MAP7D2: variants seen among roughly 807,000 people sequenced by gnomAD.
The protein encoded by MAP7D2 is MAP7 domain-containing protein 2.
Under a neutral mutation model 63.5 loss-of-function variants are expected in MAP7D2, and 33 were observed. That is an observed-to-expected ratio of 0.52 (90% CI 0.39 to 0.70). The LOEUF (loss-of-function observed/expected upper bound fraction) is 0.70, where lower values mean the gene tolerates loss of function less well. Ranked by LOEUF, MAP7D2 falls within the 30% of genes least tolerant of loss-of-function variation. The probability of loss-of-function intolerance (pLI) is 0.00; values close to 1 mark genes in which losing one functional copy is unlikely to be tolerated. For synonymous variants in MAP7D2, 224 were observed against 223.7 expected (o/e 1.00, Z -0.01); for missense variants, 626 against 604.0 (o/e 1.04, Z -0.38).
intron 10 of MAP7D2, among the ~76,000 whole-genome samples, chrX:20,019,757 GT>G (rs1327380688): frequency 8.9e-6 from 1 of 111,781 alleles, no homozygotes; most frequent in Non-Finnish European, 1.9e-5. Context: ...ACCTGCCCTG[GT>G]TAGCGCTGTG....
chrX:20,061,611 A>G (rs1191941667), intron 3 of MAP7D2, among the ~76,000 whole-genome samples: 1 of 112,450 alleles, frequency 8.9e-6, no homozygotes, highest in Admixed American at 9.3e-5. Flanking sequence ...AAGGAAGCAC[A>G]CAAATAGAAA....
chrX:20,016,627 G>A (rs1355033535), intron 10 of MAP7D2, among the ~76,000 whole-genome samples: 3 of 112,278 alleles, frequency 2.7e-5, no homozygotes, highest in Non-Finnish European at 3.8e-5. Flanking sequence ...AAATGACCAC[G>A]GTGACAGAAA....
Position 20,013,357 on chromosome X carries a change from A to G in MAP7D2, c.1806+212T>C, listed in dbSNP as rs182026051. Among the ~76,000 whole-genome samples the G allele has an allele frequency of 1.9e-3, 211 of 111,133 alleles. 1 individual carries two copies. Among genetic ancestry groups the G allele is most frequent in the African/African-American group, 6.5e-3 (198 of 30,614 alleles). On this transcript the variant is annotated intron_variant, in intron 13 of 16. Coordinates refer to ENST00000379643, the MANE Select transcript of MAP7D2 (RefSeq NM_001168465.2). ...TGCCTCTCTCTTCATCCCACCTCCC[A>G]TGACTCTAAGGAAATCTCTTACCCA...
At chrX:20,111,148 C>A (rs760945120) in intron 1 of MAP7D2, among the ~76,000 whole-genome samples, 1 of 111,615 alleles carries the variant, frequency 9.0e-6, no homozygotes, top group Non-Finnish European at 1.9e-5. Flanking sequence ...GAGCTCCCAG[C>A]AGACCAGCAG....
Position 20,025,165 on chromosome X carries a change from G to A in MAP7D2, c.1280-82C>T, listed in dbSNP as rs747311487. 2.7e-4 allele frequency: 291 copies of A among 1,084,907 alleles called. 1 individual carries two copies. In the South Asian group the frequency reaches 6.3e-3, roughly 23 times the overall value. 89.4% of individuals were successfully genotyped at this position (1,084,907 alleles called of 1,213,427 possible). A position where few individuals can be genotyped will look rare whatever the true frequency, so the allele number is the denominator to read the frequency against. On this transcript the variant is annotated intron_variant, in intron 9 of 16. Transcript: ENST00000379643. ...TCCACTCACACAGCAGCTGCCAGTT[G>A]GAAGTGAAAAAAAATCCAACCCAGT...
chrX:20,029,005 C>T (rs770885116), intron 8 of MAP7D2, among the ~76,000 whole-genome samples: 60 of 112,099 alleles, frequency 5.4e-4, no homozygotes, highest in African/African-American at 1.9e-3. Context: ...GAATGAGGTA[C>T]GATTTCTCTG....
intron 1 of MAP7D2, among the ~76,000 whole-genome samples, chrX:20,096,308 T>C (rs1471317548): frequency 1.1e-5 from 1 of 88,979 alleles, no homozygotes; most frequent in African/African-American, 4.2e-5. Context: ...TGCACGCCAA[T>C]AGTCCTAGCT....
chrX:20,012,541 C>A lies in MAP7D2; in HGVS notation c.1886-6G>T. 1 of 1,159,667 alleles carries A rather than the reference C, an allele frequency of 8.6e-7. No individual in the cohort carries two copies. Among genetic ancestry groups the A allele is most frequent in the Non-Finnish European group, 1.2e-6 (1 of 866,444 alleles). ...GGTGTTCAATCCATTGATTTCTGAT[C>A]GAGAACACAAAGTCCCTTGTGTTAA... On this transcript the variant is annotated splice_polypyrimidine_tract_variant and splice_region_variant and intron_variant, in intron 14 of 16. Coordinates refer to ENST00000379643, the MANE Select transcript of MAP7D2 (RefSeq NM_001168465.2).
chrX:20,067,554 G>C lies in MAP7D2; in HGVS notation c.131-2749C>G, dbSNP rs184202732. 9.6e-4 allele frequency among the ~76,000 whole-genome samples: 107 copies of C among 111,960 alleles called. 1 individual carries two copies. Among genetic ancestry groups the C allele is most frequent in the Admixed American group, 8.7e-3 (92 of 10,553 alleles). ...CCTATGATGACAGAGGTGCTGTGAT[G>C]ATCCTTGTCTTACAGGTGTAGAAAC... On this transcript the variant is annotated intron_variant, in intron 1 of 16. Transcript: ENST00000379643.
At chrX:20,067,519 G>GC (rs2065392001) in intron 1 of MAP7D2, among the ~76,000 whole-genome samples, 1 of 111,817 alleles carries the variant, frequency 8.9e-6, no homozygotes, top group African/African-American at 3.3e-5. Flanking sequence ...GACTTTCTCA[G>GC]CCCAACCACC....
At chrX:20,077,483 C>A (rs1230086384) in intron 1 of MAP7D2, among the ~76,000 whole-genome samples, 1 of 111,676 alleles carries the variant, frequency 9.0e-6, no homozygotes, top group Non-Finnish European at 1.9e-5. Flanking sequence ...ACAAAAAAAA[C>A]AGGAAAGTTC....
intron 7 of MAP7D2, among the ~76,000 whole-genome samples, chrX:20,043,659 C>G (rs2148282770): frequency 8.9e-6 from 1 of 112,268 alleles, no homozygotes; most frequent in South Asian, 3.7e-4. Context: ...AATTTCTGAC[C>G]CAAAGAACCC....
At position 20,013,069 on chromosome X, in the gene MAP7D2, C is replaced by A. The variant is rs762317448; in HGVS notation, c.1870G>T (p.Val624Phe). 4.0e-5 allele frequency: 49 copies of A among 1,210,482 alleles called. No homozygotes were observed. Among genetic ancestry groups the A allele is most frequent in the Non-Finnish European group, 5.3e-5 (47 of 894,329 alleles). ...VCVEKKTKLV[V>F]PNKMEINGLN... ...TCACACTCACCCATTTTGTTGGGGA[C>A]AACCAGTTTTGTCTTCTTTTCCACA... Residue 624 changes from valine (V) to phenylalanine (F), a missense_variant, in exon 14 of 17, where the codon GTC becomes TTC. Coordinates refer to ENST00000379643, the MANE Select transcript of MAP7D2 (RefSeq NM_001168465.2).
chrX:20,115,744 C>T (rs1209969233), intron 1 of MAP7D2, among the ~76,000 whole-genome samples: 2 of 111,735 alleles, frequency 1.8e-5, no homozygotes, highest in Admixed American at 1.9e-4. Context: ...TGATTTCTTT[C>T]CTTTTCTTGG....
chrX:20,085,961 C>T (rs1376753848), intron 1 of MAP7D2, among the ~76,000 whole-genome samples: 2 of 112,138 alleles, frequency 1.8e-5, no homozygotes, highest in Admixed American at 9.4e-5. Flanking sequence ...ATCCACCTGC[C>T]TCAGCCTCCC....
chrX:20,008,038 A>T lies in MAP7D2; in HGVS notation c.*387T>A, dbSNP rs1261875201. On this transcript the variant is annotated 3_prime_UTR_variant, in exon 17 of 17. Transcript: ENST00000379643. ...GTAAATGTCTAGAATATTTTACAGG[A>T]AAAGACATCTAAATGTTTATGTGCT... 2 of 112,136 alleles carry T rather than the reference A, an allele frequency of 1.8e-5. No homozygotes were observed. Among genetic ancestry groups the T allele is most frequent in the African/African-American group, 6.5e-5 (2 of 30,840 alleles). 9.2% of individuals were successfully genotyped at this position (112,136 alleles called of 1,213,427 possible).
chrX:20,065,035 A>T (rs1745371629), intron 1 of MAP7D2, among the ~76,000 whole-genome samples: 1 of 111,533 alleles, frequency 9.0e-6, no homozygotes. Context: ...AGTTGGGCCA[A>T]CATCAGCCCC....
chrX:20,051,313 G>T (rs2148321066), intron 5 of MAP7D2, among the ~76,000 whole-genome samples: 1 of 111,480 alleles, frequency 9.0e-6, no homozygotes, highest in East Asian at 2.8e-4. Context: ...ACTTTGGGAG[G>T]CCAAGGCAGT....
chrX:20,113,863 T>C (rs1409573207), intron 1 of MAP7D2, among the ~76,000 whole-genome samples: 2 of 112,004 alleles, frequency 1.8e-5, no homozygotes, highest in African/African-American at 6.5e-5. Flanking sequence ...TATTTTTAAA[T>C]GAACAATTAA....
Sources: gnomAD v4.1 joint callset for allele counts (sites outside exome capture counted in the v4.1 genomes callset) on GRCh38, gnomAD v4.1.1 for gene constraint, MANE v1.5 for transcripts, NCBI Gene and HGNC (gene_info 2026-07-23, HGNC 2026-07-21) for gene names.